Variants in PSMC3 observed in about 807,000 individuals in gnomAD.
The protein encoded by PSMC3 is 26S proteasome regulatory subunit 6A.
In PSMC3, 11 loss-of-function variants were observed where a neutral mutation model predicts 52.0. That is an observed-to-expected ratio of 0.21 (90% CI 0.13 to 0.35). The LOEUF (loss-of-function observed/expected upper bound fraction) is 0.35. PSMC3 is among the 10% of genes least tolerant of loss of function. The pLI, the probability that PSMC3 is intolerant of heterozygous loss-of-function variation, is 1.00. For synonymous variants in PSMC3, 201 were observed against 218.8 expected (o/e 0.92, Z 0.72); for missense variants, 238 against 567.1 (o/e 0.42, Z 5.89).
At position 47,425,105 on chromosome 11, in the gene PSMC3, C is replaced by G; in HGVS notation, c.285+16G>C. The G allele has an allele frequency of 6.2e-7, 1 of 1,613,886 alleles. No individual in the cohort carries two copies. Among genetic ancestry groups the G allele is most frequent in the East Asian group, 2.2e-5 (1 of 44,898 alleles). On this transcript the variant is annotated intron_variant, in intron 3 of 11. Transcript: ENST00000298852. Reference sequence around the variant, plus strand: ...CCCTGCTGACTCCCTCTCTTCCCCTCCACATACACACACACCTCGATGACG... The same window carrying G: ...CCCTGCTGACTCCCTCTCTTCCCCTGCACATACACACACACCTCGATGACG...
At position 47,425,657 on chromosome 11, in the gene PSMC3, C is replaced by T. The variant is rs950970724; in HGVS notation, c.159+210G>A. ...ACTGGGAAAGGCAATCTGATAACTT[C>T]TCATCTCAGCCCAGGCCTCCCACCA... is the stretch of plus-strand genomic sequence containing the variant. On this transcript the variant is annotated intron_variant, in intron 2 of 11. Coordinates refer to ENST00000298852, the MANE Select transcript of PSMC3 (RefSeq NM_002804.5). The T allele has an allele frequency of 5.3e-6, 3 of 564,642 alleles. No homozygotes were observed. The African/African-American group carries it at 5.6e-5, about 11-fold the overall frequency. 35.0% of individuals were successfully genotyped at this position (564,642 alleles called of 1,614,324 possible). A position where few individuals can be genotyped will look rare whatever the true frequency, so the allele number is the denominator to read the frequency against.
At chr11:47,419,242 T>C (rs1270186284) in intron 10 of PSMC3, 45 bp from the exon 11 acceptor site, 2 of 1,604,296 alleles carry the variant, frequency 1.2e-6, no homozygotes, top group Non-Finnish European at 8.5e-7. Flanking sequence ...TTATGCGGAA[T>C]GGGCAGAGGG....
At chr11:47,421,206 C>T (rs969324787) in intron 8 of PSMC3, among the ~76,000 whole-genome samples, 6 of 144,538 alleles carry the variant, frequency 4.2e-5, no homozygotes, top group Admixed American at 1.4e-4. Context: ...GCCGAGATCA[C>T]GCCACTGCAC....
Position 47,422,431 on chromosome 11 carries a change from G to T in PSMC3, c.884+143C>A. The T allele has an allele frequency of 1.0e-6, 1 of 966,818 alleles. No individual in the cohort carries two copies. The highest frequency in any genetic ancestry group is 1.6e-6 in the Non-Finnish European group (1 of 644,844). 59.9% of individuals were successfully genotyped at this position (966,818 alleles called of 1,614,324 possible). A position where few individuals can be genotyped will look rare whatever the true frequency, so the allele number is the denominator to read the frequency against. ...GGCTATTGATCAGGAGTTAGGAATTGGAATCTCAAGAGTTGAGGAGCCACC... is the reference window on the plus strand; with the variant it reads ...GGCTATTGATCAGGAGTTAGGAATTTGAATCTCAAGAGTTGAGGAGCCACC... On this transcript the variant is annotated intron_variant, in intron 8 of 11. Coordinates refer to ENST00000298852, the MANE Select transcript of PSMC3 (RefSeq NM_002804.5). This position sits in a 1 kb window ranked among gnomAD's most constrained non-coding sequence, Gnocchi z 4.3.
intron 10 of PSMC3, among the ~76,000 whole-genome samples, chr11:47,419,581 CG>C (rs2096037494): frequency 6.6e-6 from 1 of 152,096 alleles, no homozygotes; most frequent in Admixed American, 6.6e-5. Context: ...AGGCTGAGGC[CG>C]GGCGTGGTGG....
At position 47,424,607 on chromosome 11, in the gene PSMC3, C is replaced by T; in HGVS notation, c.390G>A (p.Gln130=). Residue 130 remains glutamine, a splice_region_variant and synonymous_variant, in exon 4 of 12, where the codon CAG becomes CAA. Coordinates refer to ENST00000298852, the MANE Select transcript of PSMC3 (RefSeq NM_002804.5). This position sits in a 1 kb window ranked among gnomAD's most constrained non-coding sequence, Gnocchi z 4.8. The part of the protein sequence containing the change: ...KCAVIKTSTR[Q]TYFLPVIGLV... The stretch of plus-strand genomic sequence containing the variant: ...TCTCTCATTGCTGAGCCACGCTCAC[C>T]TGTCGTGTAGAGGTTTTGATCACAG... 2 of 1,612,608 alleles carry T rather than the reference C, an allele frequency of 1.2e-6. No homozygotes were observed. Among genetic ancestry groups the T allele is most frequent in the Non-Finnish European group, 1.7e-6 (2 of 1,178,588 alleles).
At position 47,422,853 on chromosome 11, in the gene PSMC3, G is replaced by T; in HGVS notation, c.712C>A (p.Arg238=). Reference sequence around the variant, plus strand: ...ACCTTAGTCTGTGCGGCACAGGCCCGGGCCAGGAGGGTCTTCCCCGTCCCT... The same window carrying T: ...ACCTTAGTCTGTGCGGCACAGGCCCTGGCCAGGAGGGTCTTCCCCGTCCCT... ...PPGTGKTLLA[R]ACAAQTKATF... The change falls in exon 7 of 12, where the codon CGG becomes AGG. Residue 238 remains arginine (R), a synonymous_variant. Transcript: ENST00000298852. The surrounding 1 kb of genome is among the most constrained non-coding windows in gnomAD (Gnocchi z 4.3). The T allele has an allele frequency of 6.2e-7, 1 of 1,612,180 alleles. No homozygotes were observed. The highest frequency in any genetic ancestry group is 1.3e-5 in the African/African-American group (1 of 74,956).
intron 10 of PSMC3, among the ~76,000 whole-genome samples, 174 bp downstream of exon 10, chr11:47,420,090 T>C (rs1565674922): frequency 6.6e-6 from 1 of 152,126 alleles, no homozygotes; most frequent in Non-Finnish European, 1.5e-5. Flanking sequence ...GGCAAGACGC[T>C]ACATCACACA....
chr11:47,420,227 G>T (rs754520302), intron 10 of PSMC3, 37 bp downstream of exon 10: 2 of 1,608,770 alleles, frequency 1.2e-6, no homozygotes, highest in East Asian at 2.2e-5. Flanking sequence ...TCCTGCGCCT[G>T]TTCAGGTCTC....
chr11:47,424,804 C>T lies in PSMC3; in HGVS notation c.286-93G>A. 1 of 1,129,044 alleles carries T rather than the reference C, an allele frequency of 8.9e-7. No homozygotes were observed. Among genetic ancestry groups the T allele is most frequent in the Non-Finnish European group, 1.3e-6 (1 of 754,482 alleles). 69.9% of individuals were successfully genotyped at this position (1,129,044 alleles called of 1,614,324 possible). A position where few individuals can be genotyped will look rare whatever the true frequency, so the allele number is the denominator to read the frequency against. On this transcript the variant is annotated intron_variant, in intron 3 of 11. Coordinates refer to ENST00000298852, the MANE Select transcript of PSMC3 (RefSeq NM_002804.5). This position sits in a 1 kb window ranked among gnomAD's most constrained non-coding sequence, Gnocchi z 4.8. ...ATACCTGCAGGGCTGGCCATCCTTA[C>T]CTCCCTCCTCCAATAGCCCTGAGCC...
At chr11:47,420,609 G>A (rs1027497167) in intron 9 of PSMC3, 22 bp downstream of exon 9, 26 of 1,546,958 alleles carry the variant, frequency 1.7e-5, no homozygotes, top group Non-Finnish European at 2.2e-5. Context: ...CATCATCTTT[G>A]CCTGGGAGTG....
At chr11:47,419,774 G>A (rs1442752389) in intron 10 of PSMC3, among the ~76,000 whole-genome samples, 1 of 152,014 alleles carries the variant, frequency 6.6e-6, no homozygotes, top group African/African-American at 2.4e-5. Flanking sequence ...CAGGAGAATG[G>A]CGTGAACCCA....
rs2096041555 is a variant in PSMC3 at position 47,422,309 on chromosome 11, TG to T, written c.884+264del. The stretch of plus-strand genomic sequence containing the variant: ...CGCCTGCCTCGGCCTCCCAAAGTGC[TG>T]GGATTACAGGCGTGAGCCACCGTGC... On this transcript the variant is annotated intron_variant, in intron 8 of 11. Transcript: ENST00000298852. The surrounding 1 kb of genome is among the most constrained non-coding windows in gnomAD (Gnocchi z 4.3). 6.6e-6 allele frequency among the ~76,000 whole-genome samples: 1 copy of T among 152,182 alleles called. No homozygotes were observed. The highest frequency in any genetic ancestry group is 1.5e-5 in the Non-Finnish European group (1 of 68,030).
Position 47,422,585 on chromosome 11 carries a change from G to A in PSMC3, c.873C>T (p.Ile291=), listed in dbSNP as rs778984639. 27 of 1,613,970 alleles carry A rather than the reference G, an allele frequency of 1.7e-5. No individual in the cohort carries two copies. The highest frequency in any genetic ancestry group is 9.9e-5 in the South Asian group (9 of 91,076). The change falls in exon 8 of 12, where the codon ATC becomes ATT. Residue 291 remains isoleucine (I), a synonymous_variant. Transcript: ENST00000298852. This position sits in a 1 kb window ranked among gnomAD's most constrained non-coding sequence, Gnocchi z 4.3. ...SIIFIDELDA[I]GTKRFDSEKA... Reference sequence around the variant, plus strand: ...TGGCCCTCCCTTACCGCTTGGTGCCGATGGCATCCAACTCATCAATGAAGA... The same window carrying A: ...TGGCCCTCCCTTACCGCTTGGTGCCAATGGCATCCAACTCATCAATGAAGA...
Position 47,424,239 on chromosome 11 carries a change from G to A in PSMC3, c.454-56C>T, listed in dbSNP as rs575412502. 6.0e-5 allele frequency: 97 copies of A among 1,611,296 alleles called. 1 individual carries two copies. In the South Asian group the frequency reaches 1.0e-3, roughly 17 times the overall value. ...GGCCCAGCTCAAGGGCTACCCAACT[G>A]ACTGGGTGACAGGTGTCTGCAGAGG... On this transcript the variant is annotated intron_variant, in intron 5 of 11. Transcript: ENST00000298852. This position sits in a 1 kb window ranked among gnomAD's most constrained non-coding sequence, Gnocchi z 4.8.
At chr11:47,421,108 C>T (rs2096039893) in intron 8 of PSMC3, among the ~76,000 whole-genome samples, 1 of 151,910 alleles carries the variant, frequency 6.6e-6, no homozygotes, top group Non-Finnish European at 1.5e-5. Flanking sequence ...CAAAAATTAG[C>T]CAGGCGTGGT....
Position 47,426,307 on chromosome 11 carries a change from A to C in PSMC3, c.-28T>G. The C allele has an allele frequency of 6.5e-7, 1 of 1,535,564 alleles. No homozygotes were observed. Among genetic ancestry groups the C allele is most frequent in the Non-Finnish European group, 8.8e-7 (1 of 1,135,224 alleles). On this transcript the variant is annotated 5_prime_UTR_variant, in exon 1 of 12. Transcript: ENST00000298852. ...CCTGGAGGAGCGGGCAGAAGATGGG[A>C]CCAGGCGGGAGCCGCAACGGGAGAT... is the stretch of plus-strand genomic sequence containing the variant.
intron 6 of PSMC3, among the ~76,000 whole-genome samples, chr11:47,423,368 AC>A (rs1464357421): frequency 1.3e-5 from 2 of 151,370 alleles, no homozygotes; most frequent in Non-Finnish European, 2.9e-5. Flanking sequence ...GCCACTGCAC[AC>A]CAGCCAGCCT....
chr11:47,426,009 G>T, intron 1 of PSMC3, 59 bp from the exon 2 acceptor site: 1 of 1,527,794 alleles, frequency 6.5e-7, no homozygotes, highest in East Asian at 2.4e-5. Flanking sequence ...AGCATCCCTC[G>T]TTCTCCGAAC....
Sources: allele counts gnomAD v4.1 joint callset (sites outside exome capture counted in the v4.1 genomes callset), GRCh38; gene constraint gnomAD v4.1.1; non-coding constraint Gnocchi (gnomAD v3.1); transcripts MANE v1.5; gene names NCBI Gene and HGNC (gene_info 2026-07-23, HGNC 2026-07-21).